BMPR1B: variants seen among roughly 807,000 people sequenced by gnomAD.
The protein encoded by BMPR1B is bone morphogenetic protein receptor type 1B.
In BMPR1B, 12 loss-of-function variants were observed where a neutral mutation model predicts 59.1. The observed-to-expected ratio is 0.20, with a 90% CI of 0.13 to 0.33. The LOEUF is 0.33. BMPR1B is among the 10% of genes least tolerant of loss of function. The pLI is 1.00. For missense variants in BMPR1B, 550 were observed against 610.9 expected (o/e 0.90, Z 1.05); for synonymous variants, 237 against 207.3 (o/e 1.14, Z -1.23).
At chr4:95,078,832 G>A (rs982811495) in intron 3 of BMPR1B, among the ~76,000 whole-genome samples, 2 of 152,098 alleles carry the variant, frequency 1.3e-5, no homozygotes, top group Admixed American at 1.3e-4. Flanking sequence ...ATCACAGCTC[G>A]CTGCAGCCTC....
intron 1 of BMPR1B, among the ~76,000 whole-genome samples, chr4:94,842,488 A>T: frequency 6.6e-6 from 1 of 152,196 alleles, no homozygotes; most frequent in East Asian, 1.9e-4. Flanking sequence ...ACTTTTATTT[A>T]CAAGTACATA....
intron 1 of BMPR1B, among the ~76,000 whole-genome samples, chr4:94,833,634 T>G (rs961487822): frequency 2.6e-5 from 4 of 152,154 alleles, no homozygotes; most frequent in African/African-American, 9.7e-5. Flanking sequence ...CCCCAACACC[T>G]CCTTCCCCTG....
At chr4:94,784,760 T>C (rs1722703445) in intron 1 of BMPR1B, among the ~76,000 whole-genome samples, 1 of 152,192 alleles carries the variant, frequency 6.6e-6, no homozygotes, top group Admixed American at 6.5e-5. Context: ...CTTGTCCTAC[T>C]TCCTTTTTAG....
At chr4:95,130,117 C>T (rs1733215919) in intron 9 of BMPR1B, 63 bp downstream of exon 9, 2 of 1,563,290 alleles carry the variant, frequency 1.3e-6, no homozygotes, top group Admixed American at 1.7e-5. Flanking sequence ...TTTCTGTTAA[C>T]ATCTGCATGT....
intron 3 of BMPR1B, among the ~76,000 whole-genome samples, chr4:95,002,628 T>C (rs1351356363): frequency 1.1e-4 from 17 of 152,204 alleles, no homozygotes; most frequent in Admixed American, 5.9e-4. Flanking sequence ...TTTGAACATA[T>C]AGCAGCCTCA....
At position 95,115,691 on chromosome 4, in the gene BMPR1B, C is replaced by T. The variant is rs762270033; in HGVS notation, c.253C>T (p.Pro85Ser). Residue 85 changes from proline to serine, a missense_variant, in exon 6 of 13, where the codon CCC becomes TCC. Physicochemically the swap from Pro to Ser is moderately conservative, Grantham distance 74. Around this residue, in one of 6 missense-constraint regions of BMPR1B, gnomAD observed 24 missense variants for 20.3 expected, o/e 1.18. Transcript: ENST00000515059. ...TGTTTGGGTTCGATTATAGGACACT[C>T]CCATTCCTCATCAAAGAAGATCAAT... is the stretch of plus-strand genomic sequence containing the variant. The part of the protein sequence containing the change: ...EGSDFQCRDT[P>S]IPHQRRSIEC... 1.2e-6 allele frequency: 2 copies of T among 1,613,154 alleles called. No individual in the cohort carries two copies. Among genetic ancestry groups the T allele is most frequent in the South Asian group, 2.2e-5 (2 of 91,066 alleles).
At chr4:94,933,315 T>C (rs755701666) in intron 2 of BMPR1B, among the ~76,000 whole-genome samples, 1 of 152,142 alleles carries the variant, frequency 6.6e-6, no homozygotes, top group African/African-American at 2.4e-5. Context: ...CTTATTGTTG[T>C]ACATTTTCAT....
chr4:95,126,364 C>G (rs1195619848), intron 8 of BMPR1B, among the ~76,000 whole-genome samples: 1 of 152,038 alleles, frequency 6.6e-6, no homozygotes, highest in Non-Finnish European at 1.5e-5. Flanking sequence ...AATCCAGATA[C>G]CAAAAAATAA....
intron 1 of BMPR1B, among the ~76,000 whole-genome samples, chr4:94,864,223 T>C (rs1199517934): frequency 6.6e-6 from 1 of 152,148 alleles, no homozygotes; most frequent in Non-Finnish European, 1.5e-5. Flanking sequence ...TGGGATTCAG[T>C]CTTCAGAAGA....
At chr4:94,839,344 A>G (rs929028074) in intron 1 of BMPR1B, among the ~76,000 whole-genome samples, 2 of 145,012 alleles carry the variant, frequency 1.4e-5, no homozygotes, top group African/African-American at 2.6e-5. Flanking sequence ...TGATCTGTCT[A>G]ATGTTGACAG....
intron 1 of BMPR1B, among the ~76,000 whole-genome samples, chr4:94,782,145 T>C (rs1722614011): frequency 6.6e-6 from 1 of 151,866 alleles, no homozygotes; most frequent in African/African-American, 2.4e-5. Flanking sequence ...CTTAATGGTG[T>C]CCTACATTTC....
At chr4:94,808,890 A>C (rs1438127893) in intron 1 of BMPR1B, among the ~76,000 whole-genome samples, 4 of 152,058 alleles carry the variant, frequency 2.6e-5, no homozygotes, top group Non-Finnish European at 4.4e-5. Context: ...CTCCATCTCT[A>C]CTAAAAATAC....
At chr4:94,956,982 G>A (rs1018795143) in intron 2 of BMPR1B, among the ~76,000 whole-genome samples, 1 of 152,116 alleles carries the variant, frequency 6.6e-6, no homozygotes, top group African/African-American at 2.4e-5. Context: ...GGTAAAAATT[G>A]TAAAGCAGTC....
chr4:94,939,933 A>G (rs1463446893), intron 2 of BMPR1B, among the ~76,000 whole-genome samples: 1 of 152,206 alleles, frequency 6.6e-6, no homozygotes, highest in Non-Finnish European at 1.5e-5. Flanking sequence ...AGTCACTGTG[A>G]TCAGTGCTTT....
chr4:94,976,536 G>T (rs1459304004), intron 2 of BMPR1B, among the ~76,000 whole-genome samples: 1 of 152,116 alleles, frequency 6.6e-6, no homozygotes, highest in African/African-American at 2.4e-5. Context: ...AACCCCCCAT[G>T]TCTTATTCCA....
intron 1 of BMPR1B, among the ~76,000 whole-genome samples, chr4:94,813,812 T>C (rs763837119): frequency 3.3e-5 from 5 of 152,096 alleles, no homozygotes; most frequent in Non-Finnish European, 5.9e-5. Context: ...TCAGACTGTA[T>C]GTCCTGATGG....
At chr4:94,827,926 A>T (rs533741258) in intron 1 of BMPR1B, among the ~76,000 whole-genome samples, 1 of 152,284 alleles carries the variant, frequency 6.6e-6, no homozygotes, top group East Asian at 1.9e-4. Flanking sequence ...TTGGTGACTC[A>T]CTTGCTTTTC....
At chr4:94,760,447 TTA>T (rs1241863930) in intron 1 of BMPR1B, among the ~76,000 whole-genome samples, 1 of 152,238 alleles carries the variant, frequency 6.6e-6, no homozygotes, top group Non-Finnish European at 1.5e-5. Context: ...TGATTTATTA[TTA>T]TTTGTTTAAA....
At chr4:94,953,312 A>G (rs868441827) in intron 2 of BMPR1B, among the ~76,000 whole-genome samples, 2 of 152,204 alleles carry the variant, frequency 1.3e-5, no homozygotes, top group South Asian at 4.2e-4. Flanking sequence ...TATGAGGCTA[A>G]CTGGTTATTT....
Sources: gnomAD v4.1 joint callset for allele counts (sites outside exome capture counted in the v4.1 genomes callset) on GRCh38, gnomAD v4.1.1 for gene constraint, gnomAD v4.1.1 regional missense constraint, MANE v1.5 for transcripts, NCBI Gene and HGNC (gene_info 2026-07-23, HGNC 2026-07-21) for gene names.